Variants in RIN2 observed in about 807,000 individuals in gnomAD.
RIN2 encodes the protein RAB5 interacting protein 2.
Under a neutral mutation model 78.0 loss-of-function variants are expected in RIN2, and 36 were observed. The observed-to-expected ratio is 0.46, with a 90% CI of 0.35 to 0.61. The LOEUF is 0.61. RIN2 is among the 20% of genes least tolerant of loss of function. The pLI, the probability that RIN2 is intolerant of heterozygous loss-of-function variation, is 0.00. For missense variants in RIN2, 1,087 were observed against 1,159.7 expected (o/e 0.94, Z 0.91); for synonymous variants, 466 against 466.8 (o/e 1.00, Z 0.02).
chr20:19,964,554 T>A (rs1231812898), intron 6 of RIN2, among the ~76,000 whole-genome samples: 1 of 152,104 alleles, frequency 6.6e-6, no homozygotes, highest in Admixed American at 6.5e-5. Context: ...GAAGTGTGTG[T>A]CCTAGGAGGG....
intron 2 of RIN2, among the ~76,000 whole-genome samples, chr20:19,887,232 C>T (rs1281485224): frequency 6.6e-6 from 1 of 151,672 alleles, no homozygotes; most frequent in East Asian, 1.9e-4. Flanking sequence ...CTATGTTGCC[C>T]AGACTAGTCT....
chr20:19,866,147 A>G (rs2037499386), intron 2 of RIN2, among the ~76,000 whole-genome samples: 1 of 151,962 alleles, frequency 6.6e-6, no homozygotes, highest in African/African-American at 2.4e-5. Flanking sequence ...ATCATCAGGC[A>G]TTAGATTCTC....
intron 2 of RIN2, among the ~76,000 whole-genome samples, chr20:19,840,646 C>T (rs1201890976): frequency 6.6e-6 from 1 of 152,190 alleles, no homozygotes; most frequent in African/African-American, 2.4e-5. Context: ...CATGCCCTTA[C>T]GTTCAGTCAC....
chr20:19,968,126 G>T (rs2041994562), intron 7 of RIN2, among the ~76,000 whole-genome samples: 1 of 152,094 alleles, frequency 6.6e-6, no homozygotes, highest in Admixed American at 6.6e-5. Context: ...GGTGTGCTAG[G>T]GACCTCACTT....
intron 3 of RIN2, among the ~76,000 whole-genome samples, chr20:19,909,476 C>G (rs1158879009): frequency 6.6e-6 from 1 of 152,148 alleles, no homozygotes; most frequent in Admixed American, 6.5e-5. Flanking sequence ...TTTCAACAGC[C>G]AAGTGCTGGG....
At chr20:19,854,866 C>T (rs866454298) in intron 2 of RIN2, among the ~76,000 whole-genome samples, 10 of 152,102 alleles carry the variant, frequency 6.6e-5, no homozygotes, top group Admixed American at 1.3e-4. Context: ...ATTGAATACC[C>T]TTTATTTCTT....
chr20:19,904,623 G>C (rs931980355), intron 3 of RIN2, among the ~76,000 whole-genome samples: 4 of 152,168 alleles, frequency 2.6e-5, no homozygotes, highest in South Asian at 4.1e-4. Context: ...GGAGAAAAAG[G>C]GTGGCAAGTA....
At chr20:19,782,571 A>C (rs891507107) in intron 1 of RIN2, among the ~76,000 whole-genome samples, 1 of 152,020 alleles carries the variant, frequency 6.6e-6, no homozygotes, top group African/African-American at 2.4e-5. Context: ...AAAAAAAAAA[A>C]AGATAACTAT....
intron 3 of RIN2, among the ~76,000 whole-genome samples, chr20:19,893,887 A>T (rs904662566): frequency 1.4e-4 from 21 of 152,308 alleles, no homozygotes; most frequent in Admixed American, 1.1e-3. Flanking sequence ...AGCCTGGCCA[A>T]CATGGTGAAA....
chr20:19,824,865 C>T (rs1044015107), intron 2 of RIN2, among the ~76,000 whole-genome samples: 2 of 152,152 alleles, frequency 1.3e-5, no homozygotes, highest in African/African-American at 4.8e-5. Context: ...TCTTATATCA[C>T]TGTTGGGATG....
intron 2 of RIN2, among the ~76,000 whole-genome samples, chr20:19,801,765 TA>T (rs1048016560): frequency 5.3e-5 from 8 of 152,180 alleles, no homozygotes; most frequent in African/African-American, 1.9e-4. Flanking sequence ...GCATGTTAAA[TA>T]AACACCAAAG....
intron 1 of RIN2, among the ~76,000 whole-genome samples, chr20:19,796,056 GAA>G (rs530633838): frequency 6.3e-4 from 94 of 149,592 alleles, no homozygotes; most frequent in African/African-American, 2.0e-3. Context: ...AGAAGAGAAA[GAA>G]AGAGAAGAGA....
chr20:19,882,088 G>C (rs2123443263), intron 2 of RIN2, among the ~76,000 whole-genome samples: 1 of 152,240 alleles, frequency 6.6e-6, no homozygotes, highest in Admixed American at 6.5e-5. Flanking sequence ...AAAAAAACTT[G>C]GTCTGAGAAA....
intron 2 of RIN2, among the ~76,000 whole-genome samples, chr20:19,865,483 T>C (rs968357623): frequency 3.7e-5 from 5 of 135,288 alleles, no homozygotes; most frequent in Non-Finnish European, 8.2e-5. Context: ...AGTTATACTT[T>C]CTTTCTTTTT....
rs532179284 is a variant in RIN2, at chr20:19,774,281, G to A, written c.-163+15954G>A. ...ATCAGGAGAGAGCCCTGGGATTGCT[G>A]AAGAGGGCAGGATGATGGAGTTGCA... On this transcript the variant is annotated intron_variant, in intron 1 of 12. Coordinates refer to ENST00000255006, the MANE Select transcript of RIN2 (RefSeq NM_018993.4). 9.9e-5 allele frequency among the ~76,000 whole-genome samples: 15 copies of A among 152,282 alleles called. 1 individual carries two copies. The South Asian group carries it at 2.9e-3, about 29-fold the overall frequency.
intron 1 of RIN2, among the ~76,000 whole-genome samples, chr20:19,794,099 AAAT>A (rs2034974302): frequency 8.4e-6 from 1 of 119,670 alleles, no homozygotes; most frequent in Non-Finnish European, 1.7e-5. Context: ...AGATCAGGGA[AAAT>A]AATATACCCA....
intron 2 of RIN2, among the ~76,000 whole-genome samples, chr20:19,820,232 A>G (rs1490359076): frequency 1.3e-5 from 2 of 152,200 alleles, no homozygotes; most frequent in Non-Finnish European, 2.9e-5. Flanking sequence ...GGCCAATGTT[A>G]TGATTATTTA....
intron 4 of RIN2, among the ~76,000 whole-genome samples, chr20:19,947,936 T>C (rs112523927): frequency 1.7e-4 from 26 of 152,148 alleles, no homozygotes; most frequent in African/African-American, 6.0e-4. Flanking sequence ...GAGCCTGACA[T>C]GGGAGAGAAA....
At chr20:19,985,308 A>C (rs1393174581) in intron 9 of RIN2, among the ~76,000 whole-genome samples, 2 of 152,218 alleles carry the variant, frequency 1.3e-5, no homozygotes, top group African/African-American at 2.4e-5. Context: ...ATAAGAGTGA[A>C]TCACTTCTTG....
Sources: gnomAD v4.1 joint callset for allele counts (sites outside exome capture counted in the v4.1 genomes callset) on GRCh38, gnomAD v4.1.1 for gene constraint, MANE v1.5 for transcripts, NCBI Gene and HGNC (gene_info 2026-07-23, HGNC 2026-07-21) for gene names.